The following TGM3 variants were observed in gnomAD, a reference collection of about 807,000 sequenced individuals.
TGM3 encodes the protein protein-glutamine gamma-glutamyltransferase E.
TGM3 carries 52 observed loss-of-function variants against 73.8 expected under a neutral mutation model. The observed-to-expected ratio is 0.70, with a 90% CI of 0.56 to 0.89. The LOEUF (loss-of-function observed/expected upper bound fraction) is 0.89, where lower values mean the gene tolerates loss of function less well. Ranked by LOEUF, TGM3 falls within the 40% of genes least tolerant of loss-of-function variation. TGM3 has a pLI of 0.00. For missense variants in TGM3, 928 were observed against 909.9 expected (o/e 1.02, Z -0.26); for synonymous variants, 372 against 354.9 (o/e 1.05, Z -0.54).
At chr20:2,314,817 CTA>C (rs1471369659) in intron 5 of TGM3, among the ~76,000 whole-genome samples, 1 of 152,106 alleles carries the variant, frequency 6.6e-6, no homozygotes, top group African/African-American at 2.4e-5. Context: ...TTATTTATTT[CTA>C]TGTTTCATGG....
At chr20:2,303,067 G>A (rs1294155359) in intron 1 of TGM3, among the ~76,000 whole-genome samples, 2 of 152,208 alleles carry the variant, frequency 1.3e-5, no homozygotes, top group African/African-American at 4.8e-5. Flanking sequence ...TGGAGGCTGA[G>A]GTGGGCGGAT....
At chr20:2,327,860 A>G (rs2084296938) in intron 8 of TGM3, among the ~76,000 whole-genome samples, 1 of 152,194 alleles carries the variant, frequency 6.6e-6, no homozygotes, top group Non-Finnish European at 1.5e-5. Context: ...CAGACCAAGG[A>G]CAGTGGGTCA....
At chr20:2,311,699 G>T (rs1482126672) in intron 4 of TGM3, among the ~76,000 whole-genome samples, 1 of 152,170 alleles carries the variant, frequency 6.6e-6, no homozygotes, top group Non-Finnish European at 1.5e-5. Flanking sequence ...GGGTGCCTTG[G>T]ATATCAGAAA....
intron 10 of TGM3, among the ~76,000 whole-genome samples, chr20:2,333,368 T>C (rs1328819579): frequency 6.6e-6 from 1 of 152,008 alleles, no homozygotes; most frequent in Non-Finnish European, 1.5e-5. Context: ...AGAAAGGGCT[T>C]TTTTTGTTTG....
chr20:2,335,039 C>T (rs2084341393), intron 10 of TGM3, 77 bp from the exon 11 acceptor site: 7 of 1,559,002 alleles, frequency 4.5e-6, no homozygotes, highest in Non-Finnish European at 6.1e-6. Flanking sequence ...CCTGCCTTGG[C>T]TTGGCATCTG....
At chr20:2,321,896 T>C (rs1432472694) in intron 7 of TGM3, among the ~76,000 whole-genome samples, 5 of 152,220 alleles carry the variant, frequency 3.3e-5, no homozygotes, top group Non-Finnish European at 7.3e-5. Flanking sequence ...TTATCTGCTC[T>C]GCCTTAAATT....
Position 2,332,072 on chromosome 20 carries a change from G to A in TGM3, c.1404G>A (p.Ala468=), listed in dbSNP as rs45594433. The A allele has an allele frequency of 2.2e-4, 363 of 1,614,158 alleles. 4 individuals carry two copies. In the East Asian group the frequency reaches 7.3e-3, roughly 32 times the overall value. Residue 468 remains alanine (A), a synonymous_variant, in exon 10 of 13, where the codon GCG becomes GCA. Transcript: ENST00000381458. This position sits in a 1 kb window ranked among gnomAD's most constrained non-coding sequence, Gnocchi z 4.4. ...TTAAACCCAACACGCCATTTGCCGC[G>A]ACGTCTTCAATGGGTTTGGAAACAG... ...GKLKPNTPFA[A]TSSMGLETEE... is the part of the protein sequence containing the mutation.
At chr20:2,338,171 G>C (rs140397331) in intron 11 of TGM3, among the ~76,000 whole-genome samples, 1 of 152,294 alleles carries the variant, frequency 6.6e-6, no homozygotes, top group African/African-American at 2.4e-5. Context: ...AATTAGCACT[G>C]AGGACCTTAG....
At position 2,332,136 on chromosome 20, in the gene TGM3, G is replaced by T; in HGVS notation, c.1468G>T (p.Ala490Ser). The T allele has an allele frequency of 6.2e-7, 1 of 1,614,180 alleles. No individual in the cohort carries two copies. Among genetic ancestry groups the T allele is most frequent in the Non-Finnish European group, 8.5e-7 (1 of 1,180,026 alleles). The change falls in exon 10 of 13, where the codon GCT becomes TCT. Residue 490 changes from alanine (A) to serine (S), a missense_variant. Coordinates refer to ENST00000381458, the MANE Select transcript of TGM3 (RefSeq NM_003245.4). This position sits in a 1 kb window ranked among gnomAD's most constrained non-coding sequence, Gnocchi z 4.4. Reference sequence around the variant, plus strand: ...CAGCATCATCGGGAAGCTGAAGGTCGCTGGCATGCTGGCAGTAGGCAAAGA... The same window carrying T: ...CAGCATCATCGGGAAGCTGAAGGTCTCTGGCATGCTGGCAGTAGGCAAAGA... ...EPSIIGKLKV[A>S]GMLAVGKEVN... is the part of the protein sequence containing the mutation.
intron 8 of TGM3, 164 bp downstream of exon 8, chr20:2,326,116 C>T: frequency 4.2e-6 from 3 of 712,888 alleles, no homozygotes; most frequent in Non-Finnish European, 7.1e-6. Flanking sequence ...TTTTGCTTGG[C>T]TCGGGCTGCT....
At chr20:2,339,799 G>T (rs1344896572) in intron 11 of TGM3, 55 bp from the exon 12 acceptor site, 10 of 1,609,708 alleles carry the variant, frequency 6.2e-6, no homozygotes. Context: ...TCACCAAGGT[G>T]CAGGCAGGGG....
chr20:2,329,366 C>A (rs1320752485), intron 9 of TGM3, among the ~76,000 whole-genome samples: 1 of 152,172 alleles, frequency 6.6e-6, no homozygotes, highest in Non-Finnish European at 1.5e-5. Flanking sequence ...TGGGTGCCCC[C>A]CCAGGTGCTG....
chr20:2,310,976 T>C, intron 3 of TGM3, 35 bp from the exon 4 acceptor site: 1 of 1,579,388 alleles, frequency 6.3e-7, no homozygotes, highest in Non-Finnish European at 8.7e-7. Flanking sequence ...CTCCGAGGAT[T>C]CTAGTCGCTG....
At position 2,334,207 on chromosome 20, in the gene TGM3, G is replaced by A. The variant is rs75610396; in HGVS notation, c.1643-909G>A. 3.4e-3 allele frequency among the ~76,000 whole-genome samples: 520 copies of A among 152,314 alleles called. No individual in the cohort carries two copies. Among genetic ancestry groups the A allele is most frequent in the African/African-American group, 0.012 (481 of 41,566 alleles). ...ATTTCCATCTGGGGGAACCATGTGA[G>A]TCAAAATATGGGGGCGAAAAGGTGC... On this transcript the variant is annotated intron_variant, in intron 10 of 12. Transcript: ENST00000381458. This position sits in a 1 kb window ranked among gnomAD's most constrained non-coding sequence, Gnocchi z 4.0.
chr20:2,330,021 C>G (rs2084311608), intron 9 of TGM3, among the ~76,000 whole-genome samples: 1 of 151,768 alleles, frequency 6.6e-6, no homozygotes, highest in South Asian at 2.1e-4. Context: ...ACTTCCTAAA[C>G]AATGGAGAAT....
chr20:2,320,519 A>G (rs2084256793), intron 7 of TGM3, among the ~76,000 whole-genome samples: 1 of 152,274 alleles, frequency 6.6e-6, no homozygotes, highest in Admixed American at 6.5e-5. Context: ...CTACACCTCA[A>G]TTTCCCACTT....
chr20:2,328,634 C>G lies in TGM3; in HGVS notation c.1333+269C>G, dbSNP rs1180090666. ...AGCCCATCTCCAGCTGTGTCCCTGT[C>G]TCAACTACACAGCTAGGGTGACAGC... On this transcript the variant is annotated intron_variant, in intron 9 of 12. Coordinates refer to ENST00000381458, the MANE Select transcript of TGM3 (RefSeq NM_003245.4). This position sits in a 1 kb window ranked among gnomAD's most constrained non-coding sequence, Gnocchi z 5.2. Among the ~76,000 whole-genome samples, 3 of 152,250 alleles carry G rather than the reference C, an allele frequency of 2.0e-5. No homozygotes were observed. In the East Asian group the frequency reaches 5.8e-4, roughly 29 times the overall value.
At chr20:2,340,017 G>C in intron 12 of TGM3, 30 bp downstream of exon 12, 1 of 1,547,542 alleles carries the variant, frequency 6.5e-7, no homozygotes, top group African/African-American at 1.4e-5. Context: ...GGCCGGTGCA[G>C]GAGGGCGGGA....
At chr20:2,300,579 G>A (rs1386279685) in intron 1 of TGM3, among the ~76,000 whole-genome samples, 1 of 152,212 alleles carries the variant, frequency 6.6e-6, no homozygotes, top group Non-Finnish European at 1.5e-5. Flanking sequence ...TATCTGGTCA[G>A]GCAAAATTGA....
Sources: gnomAD v4.1 joint callset for allele counts (sites outside exome capture counted in the v4.1 genomes callset) on GRCh38, gnomAD v4.1.1 for gene constraint, Gnocchi (gnomAD v3.1) non-coding constraint, MANE v1.5 for transcripts, NCBI Gene and HGNC (gene_info 2026-07-23, HGNC 2026-07-21) for gene names.